Variants in PRSS23 observed in about 807,000 individuals in gnomAD.
The protein encoded by PRSS23 is protease, serine 23.
PRSS23 carries 25 observed loss-of-function variants against 34.7 expected under a neutral mutation model. That is an observed-to-expected ratio of 0.72 (90% CI 0.53 to 1.01). The LOEUF (loss-of-function observed/expected upper bound fraction) is 1.01, where lower values mean the gene tolerates loss of function less well. Among genes scored for constraint, PRSS23 ranks in the 50% least tolerant of loss-of-function variants. The pLI is 0.00. For synonymous variants in PRSS23, 176 were observed against 186.6 expected, an observed-to-expected ratio of 0.94 and a Z score of 0.46; for missense variants, 445 against 475.6, an observed-to-expected ratio of 0.94 and a Z score of 0.60.
At chr11:86,884,379 C>T (rs1359188467) in intron 2 of PRSS23, among the ~76,000 whole-genome samples, 1 of 152,070 alleles carries the variant, frequency 6.6e-6, no homozygotes. Flanking sequence ...GGCTCACTGC[C>T]ACCTCCACCT....
chr11:86,917,387 C>T (rs576655046), intron 2 of PRSS23, among the ~76,000 whole-genome samples: 9 of 152,284 alleles, frequency 5.9e-5, no homozygotes, highest in East Asian at 1.9e-4. Flanking sequence ...TTAAGGCAAA[C>T]ATAGGGAAAT....
upstream of PRSS23, among the ~76,000 whole-genome samples, chr11:86,799,171 G>A (rs898125255): frequency 6.6e-6 from 1 of 152,262 alleles, no homozygotes; most frequent in African/African-American, 2.4e-5. Flanking sequence ...CTTGAGCCCA[G>A]GAGGTCTACG....
At chr11:86,817,134 C>CT (rs112216264) in intron 1 of PRSS23, among the ~76,000 whole-genome samples, 3 of 151,876 alleles carry the variant, frequency 2.0e-5, no homozygotes, top group Non-Finnish European at 1.5e-5. Flanking sequence ...GCAAGAAAGC[C>CT]TTTTTTTGTG....
intron 2 of PRSS23, among the ~76,000 whole-genome samples, chr11:86,881,328 CT>C (rs1314504171): frequency 1.1e-4 from 14 of 125,822 alleles, no homozygotes; most frequent in Non-Finnish European, 1.7e-5. Context: ...TTGGTTTTTT[CT>C]TTTTTTTGCA....
chr11:86,942,280 T>C (rs1202499662), intron 2 of PRSS23, among the ~76,000 whole-genome samples: 1 of 152,128 alleles, frequency 6.6e-6, no homozygotes, highest in African/African-American at 2.4e-5. Flanking sequence ...TGAAGAAAGA[T>C]GGAAAGGACA....
chr11:86,836,647 C>T (rs12804499), intron 2 of PRSS23, among the ~76,000 whole-genome samples: 9,144 of 152,068 alleles, frequency 0.06, 345 homozygotes, highest in Middle Eastern at 0.099. Context: ...GTCCCAGGAC[C>T]CCTCGAATAG....
At chr11:86,903,101 C>T (rs1248035374) in intron 2 of PRSS23, among the ~76,000 whole-genome samples, 1 of 152,144 alleles carries the variant, frequency 6.6e-6, no homozygotes, top group African/African-American at 2.4e-5. Flanking sequence ...CCAGGTCTTG[C>T]ATCTTCTGGA....
At chr11:86,839,018 C>A (rs1948427697) in intron 2 of PRSS23, among the ~76,000 whole-genome samples, 1 of 151,016 alleles carries the variant, frequency 6.6e-6, no homozygotes, top group Non-Finnish European at 1.5e-5. Context: ...GATAAAACCA[C>A]AAAGATAGGG....
intron 2 of PRSS23, among the ~76,000 whole-genome samples, chr11:86,840,036 C>T (rs930135909): frequency 6.6e-6 from 1 of 151,948 alleles, no homozygotes; most frequent in Non-Finnish European, 1.5e-5. Flanking sequence ...GAAGAAACTG[C>T]ATTAATTAAT....
intron 2 of PRSS23, among the ~76,000 whole-genome samples, chr11:86,887,124 G>A (rs1948807546): frequency 6.6e-6 from 1 of 152,134 alleles, no homozygotes; most frequent in Non-Finnish European, 1.5e-5. Flanking sequence ...CTATATAGCA[G>A]AACTCAAGGT....
chr11:86,918,487 T>G (rs1949028030), intron 2 of PRSS23, among the ~76,000 whole-genome samples: 1 of 152,238 alleles, frequency 6.6e-6, no homozygotes, highest in Non-Finnish European at 1.5e-5. Flanking sequence ...TTTCTGAATA[T>G]CCTATTTTTA....
chr11:86,834,777 A>G (rs1247902856), intron 2 of PRSS23, among the ~76,000 whole-genome samples: 1 of 152,054 alleles, frequency 6.6e-6, no homozygotes, highest in African/African-American at 2.4e-5. Flanking sequence ...AAGCATACAT[A>G]GAGTCTGTAT....
chr11:86,851,300 A>T (rs568784416), intron 2 of PRSS23, among the ~76,000 whole-genome samples: 1 of 152,248 alleles, frequency 6.6e-6, no homozygotes, highest in Non-Finnish European at 1.5e-5. Context: ...CAAGAGCTGT[A>T]AGGAAAGCCA....
At chr11:86,823,535 A>T (rs1244694247) in exon 2 of PRSS23, 1 of 702,502 alleles carries the variant, frequency 1.4e-6, no homozygotes, top group Non-Finnish European at 2.6e-6. Flanking sequence ...AGAAGCAGAG[A>T]CACCAGGACA....
At chr11:86,814,184 AG>A (rs1381393458), downstream of PRSS23, among the ~76,000 whole-genome samples, 7 of 152,372 alleles carry the variant, frequency 4.6e-5, no homozygotes, top group Admixed American at 2.0e-4. Flanking sequence ...AATGAACTAT[AG>A]GATCTCTGAT....
At chr11:86,828,457 G>A (rs1236714420) in intron 2 of PRSS23, among the ~76,000 whole-genome samples, 4 of 152,108 alleles carry the variant, frequency 2.6e-5, no homozygotes, top group Admixed American at 6.5e-5. Context: ...CAATTTGCCA[G>A]TCTGTGTCTT....
intron 2 of PRSS23, among the ~76,000 whole-genome samples, chr11:86,830,579 T>G (rs1948345933): frequency 6.6e-6 from 1 of 152,312 alleles, no homozygotes; most frequent in Middle Eastern, 3.4e-3. Flanking sequence ...ACCCATCTTC[T>G]GTGTCGCTCA....
chr11:86,799,949 G>A (rs1453031183), upstream of PRSS23, among the ~76,000 whole-genome samples: 2 of 152,208 alleles, frequency 1.3e-5, no homozygotes, highest in Non-Finnish European at 2.9e-5. Flanking sequence ...CTGTTCTTTG[G>A]AGGCACCGGA....
chr11:86,845,978 C>A (rs1199976955), intron 2 of PRSS23, among the ~76,000 whole-genome samples: 1 of 152,186 alleles, frequency 6.6e-6, no homozygotes, highest in East Asian at 1.9e-4. Flanking sequence ...AGACATGTCA[C>A]AAAATAATTT....
Sources: allele counts gnomAD v4.1 joint callset (sites outside exome capture counted in the v4.1 genomes callset), GRCh38; gene constraint gnomAD v4.1.1; transcripts MANE v1.5; gene names NCBI Gene and HGNC (gene_info 2026-07-23, HGNC 2026-07-21).